BCL7C: variants seen among roughly 807,000 people sequenced by gnomAD.
BCL7C encodes the protein BAF chromatin remodeling complex subunit BCL7C, also known as B-cell CLL/lymphoma 7 protein family member C.
In BCL7C, 8 loss-of-function variants were observed where a neutral mutation model predicts 26.2. That is an observed-to-expected ratio of 0.30 (90% CI 0.18 to 0.55). The LOEUF (loss-of-function observed/expected upper bound fraction) is 0.55, where lower values mean the gene tolerates loss of function less well. Among genes scored for constraint, BCL7C ranks in the 20% least tolerant of loss-of-function variants. The probability of loss-of-function intolerance (pLI) is 0.93; values close to 1 mark genes in which losing one functional copy is unlikely to be tolerated. For synonymous variants in BCL7C, 90 were observed against 116.5 expected (o/e 0.77, Z 1.47); for missense variants, 262 against 298.5 (o/e 0.88, Z 0.90).
chr16:30,868,712 G>A (rs752870869), intron 5 of BCL7C, among the ~76,000 whole-genome samples: 1 of 151,916 alleles, frequency 6.6e-6, no homozygotes, highest in African/African-American at 2.4e-5. Context: ...TTGATCCTGG[G>A]AGGTGGAGGT....
At chr16:30,848,992 C>T (rs1456310325) in intron 5 of BCL7C, among the ~76,000 whole-genome samples, 2 of 151,674 alleles carry the variant, frequency 1.3e-5, no homozygotes, top group Non-Finnish European at 2.9e-5. Context: ...TTGAGACCAT[C>T]CTGGCTAACA....
intron 4 of BCL7C, among the ~76,000 whole-genome samples, chr16:30,891,695 T>G (rs2055240076): frequency 6.6e-6 from 1 of 151,982 alleles, no homozygotes; most frequent in Non-Finnish European, 1.5e-5. Flanking sequence ...CCAGGCACAG[T>G]GACTCACGCC....
At chr16:30,840,342 C>T (rs1437230634) in intron 5 of BCL7C, among the ~76,000 whole-genome samples, 3 of 151,526 alleles carry the variant, frequency 2.0e-5, no homozygotes, top group Admixed American at 1.3e-4. Flanking sequence ...CTCAGCCTCT[C>T]GAGTAGCTGG....
At chr16:30,853,942 C>G (rs1006688107) in intron 5 of BCL7C, among the ~76,000 whole-genome samples, 24 of 152,210 alleles carry the variant, frequency 1.6e-4, no homozygotes, top group African/African-American at 5.8e-4. Flanking sequence ...CATGGACCAA[C>G]CTTTTGAGTG....
At chr16:30,852,738 C>G (rs1382682302) in intron 5 of BCL7C, among the ~76,000 whole-genome samples, 1 of 151,796 alleles carries the variant, frequency 6.6e-6, no homozygotes, top group Non-Finnish European at 1.5e-5. Context: ...GTGATCCACC[C>G]GCCTTGGCCT....
downstream of BCL7C, among the ~76,000 whole-genome samples, chr16:30,886,547 C>T (rs936760137): frequency 1.3e-5 from 2 of 152,190 alleles, no homozygotes; most frequent in African/African-American, 4.8e-5. Context: ...TGGGACTGCC[C>T]TGTTCCCAGT....
chr16:30,877,793 C>T (rs2054972872), intron 5 of BCL7C, among the ~76,000 whole-genome samples: 1 of 152,140 alleles, frequency 6.6e-6, no homozygotes, highest in African/African-American at 2.4e-5. Flanking sequence ...ACATGTTCAA[C>T]ACCATGTAAG....
chr16:30,835,251 G>A (rs2054562429), intron 5 of BCL7C: 1 of 1,102,218 alleles, frequency 9.1e-7, no homozygotes, highest in African/African-American at 1.6e-5. Flanking sequence ...GGCGCAAGTT[G>A]GTGGAAAGTC....
chr16:30,858,099 T>C (rs2054739819), intron 5 of BCL7C, among the ~76,000 whole-genome samples: 1 of 152,210 alleles, frequency 6.6e-6, no homozygotes, highest in Non-Finnish European at 1.5e-5. Flanking sequence ...TTCTCATTGC[T>C]TTTATGGGGG....
chr16:30,882,894 G>A (rs540342820), downstream of BCL7C, among the ~76,000 whole-genome samples: 4 of 152,340 alleles, frequency 2.6e-5, no homozygotes, highest in East Asian at 5.8e-4. Context: ...TTCCTGGAAG[G>A]TGACTCTGAC....
chr16:30,863,163 C>A (rs921386436), intron 5 of BCL7C, among the ~76,000 whole-genome samples: 2 of 152,162 alleles, frequency 1.3e-5, no homozygotes, highest in Non-Finnish European at 2.9e-5. Flanking sequence ...CTGTTCCTCA[C>A]CCTGATCACA....
chr16:30,859,545 G>A (rs946474600), intron 5 of BCL7C, among the ~76,000 whole-genome samples: 1 of 152,164 alleles, frequency 6.6e-6, no homozygotes. Flanking sequence ...ATCCACAAAA[G>A]AAGTGAAAAT....
chr16:30,846,765 G>A lies in BCL7C; in HGVS notation c.529-11617C>T, dbSNP rs1219274935. 2.6e-5 allele frequency among the ~76,000 whole-genome samples: 4 copies of A among 152,318 alleles called. No individual in the cohort carries two copies. In the East Asian group the frequency reaches 7.7e-4, roughly 29 times the overall value. The stretch of plus-strand genomic sequence containing the variant: ...ACAGACCTGTGGAGATGGATTTGGG[G>A]ATTTATTTAATCACACCCTGGGCTT... On this transcript the variant is annotated intron_variant, in intron 5 of 5. Transcript: ENST00000380317.
At chr16:30,851,653 G>A (rs1389519881) in intron 5 of BCL7C, 2 of 628,218 alleles carry the variant, frequency 3.2e-6, no homozygotes, top group South Asian at 1.8e-5. Context: ...GCATCTCATC[G>A]ATTTGCTGAG....
At position 30,893,248 on chromosome 16, in the gene BCL7C, G is replaced by A. The variant is rs145774897; in HGVS notation, c.135C>T (p.Ile45=). 1,104 of 1,613,626 alleles carry A rather than the reference G, an allele frequency of 6.8e-4. 1 individual carries two copies. Among genetic ancestry groups the A allele is most frequent in the Non-Finnish European group, 9.0e-4 (1,067 of 1,179,764 alleles). ...GATCCACCACTGGCACCCACTTGAAGATACGAAGGGAAGTGTCGCCCACAG... is the reference window on the plus strand; with the variant it reads ...GATCCACCACTGGCACCCACTTGAAAATACGAAGGGAAGTGTCGCCCACAG... ...WVTVGDTSLR[I]FKWVPVVDPQ... is the part of the protein sequence containing the mutation. The change falls in exon 2 of 6, where the codon ATC becomes ATT. Residue 45 remains isoleucine (I), a synonymous_variant. Coordinates refer to ENST00000215115, the MANE Select transcript of BCL7C (RefSeq NM_004765.4). The surrounding 1 kb of genome is among the most constrained non-coding windows in gnomAD (Gnocchi z 5.2).
chr16:30,865,238 G>A (rs1159664834), intron 5 of BCL7C, among the ~76,000 whole-genome samples: 2 of 150,202 alleles, frequency 1.3e-5, no homozygotes, highest in Non-Finnish European at 3.0e-5. Context: ...TACTTTGTAT[G>A]CCTATTCCAA....
downstream of BCL7C, among the ~76,000 whole-genome samples, chr16:30,884,068 T>C (rs2143113702): frequency 6.9e-6 from 1 of 144,660 alleles, no homozygotes; most frequent in East Asian, 2.1e-4. Flanking sequence ...GAGCTTGCAG[T>C]GAGCCAAGAT....
At chr16:30,887,697 T>C, downstream of BCL7C, 1 of 1,183,222 alleles carries the variant, frequency 8.5e-7, no homozygotes, top group South Asian at 1.7e-5. Context: ...GAAGGTCCTC[T>C]CAGAGCCTCA....
downstream of BCL7C, among the ~76,000 whole-genome samples, chr16:30,885,999 G>T (rs1310813042): frequency 6.6e-6 from 1 of 151,978 alleles, no homozygotes; most frequent in African/African-American, 2.4e-5. Context: ...CTACAGGCGC[G>T]CACCAGTATG....
Sources: gnomAD v4.1 joint callset for allele counts (sites outside exome capture counted in the v4.1 genomes callset) on GRCh38, gnomAD v4.1.1 for gene constraint, Gnocchi (gnomAD v3.1) non-coding constraint, MANE v1.5 for transcripts, NCBI Gene and HGNC (gene_info 2026-07-23, HGNC 2026-07-21) for gene names.